The following CCBE1 variants were observed in gnomAD, a reference collection of about 807,000 sequenced individuals.
CCBE1 encodes the protein collagen and calcium-binding EGF domain-containing protein 1.
A neutral mutation model predicts 50.0 loss-of-function variants in CCBE1; 37 were observed. That is an observed-to-expected ratio of 0.74 (90% CI 0.57 to 0.97). The LOEUF (loss-of-function observed/expected upper bound fraction) is 0.97. Among genes scored for constraint, CCBE1 ranks in the 50% least tolerant of loss-of-function variants. The probability of loss-of-function intolerance (pLI) is 0.00; values close to 1 mark genes in which losing one functional copy is unlikely to be tolerated. For missense variants in CCBE1, 538 were observed against 523.8 expected (o/e 1.03, Z -0.26); for synonymous variants, 234 against 203.7 (o/e 1.15, Z -1.27).
At chr18:59,437,264 G>T (rs946529316) in intron 10 of CCBE1, among the ~76,000 whole-genome samples, 1 of 152,186 alleles carries the variant, frequency 6.6e-6, no homozygotes, top group Non-Finnish European at 1.5e-5. Flanking sequence ...TAGTAAAATC[G>T]TTATCATCTC....
At chr18:59,451,558 TCAC>T (rs1267003322) in intron 6 of CCBE1, among the ~76,000 whole-genome samples, 2 of 151,706 alleles carry the variant, frequency 1.3e-5, no homozygotes, top group African/African-American at 4.8e-5. Context: ...TCTCCCTTTC[TCAC>T]CACATCACTT....
intron 2 of CCBE1, among the ~76,000 whole-genome samples, chr18:59,566,897 T>C (rs993769): frequency 6.6e-6 from 1 of 151,518 alleles, no homozygotes; most frequent in Non-Finnish European, 1.5e-5. Flanking sequence ...GAGAGAACGA[T>C]GATGAAAGTC....
In CCBE1 at chr18:59,667,025, G is replaced by A. The variant is rs532405075; in HGVS notation, c.212+29604C>T. Among the ~76,000 whole-genome samples the A allele has an allele frequency of 3.0e-4, 45 of 152,244 alleles. 2 individuals are homozygous for A. The highest frequency in any genetic ancestry group is 1.5e-3 in the East Asian group (8 of 5,180). On this transcript the variant is annotated intron_variant, in intron 2 of 10. Coordinates refer to ENST00000439986, the MANE Select transcript of CCBE1 (RefSeq NM_133459.4). ...TCAGTGGTTGATGCCCATAATCCCA[G>A]TGCTTTGGGAGCCCAAGGTGGGAGG...
rs1467430663 is a variant in CCBE1, at chr18:59,435,000, T to C, written c.*908A>G. ...TGGGCACCTGCTCAGAACCAGGAAT[T>C]CTGCACCTCTCTCTAAGCTCAGCCA... is the stretch of plus-strand genomic sequence containing the variant. On this transcript the variant is annotated 3_prime_UTR_variant, in exon 11 of 11. Transcript: ENST00000439986. The C allele has an allele frequency of 6.6e-6, 1 of 152,252 alleles. No homozygotes were observed. The highest frequency in any genetic ancestry group is 2.4e-5 in the African/African-American group (1 of 41,444). 9.4% of individuals were successfully genotyped at this position (152,252 alleles called of 1,614,324 possible).
At chr18:59,631,209 C>A (rs1280983819) in intron 2 of CCBE1, among the ~76,000 whole-genome samples, 2 of 150,018 alleles carry the variant, frequency 1.3e-5, no homozygotes, top group African/African-American at 2.5e-5. Context: ...TTTCTATGAT[C>A]TGGAGAAAAA....
chr18:59,640,510 C>G (rs564138132), intron 2 of CCBE1, among the ~76,000 whole-genome samples: 1 of 152,072 alleles, frequency 6.6e-6, no homozygotes, highest in Non-Finnish European at 1.5e-5. Flanking sequence ...AAACATAATG[C>G]CCAAGACTAT....
intron 2 of CCBE1, among the ~76,000 whole-genome samples, chr18:59,550,675 C>T (rs1915877857): frequency 1.3e-5 from 2 of 152,158 alleles, no homozygotes. Context: ...CCCCAAACAG[C>T]AGGTGCCATT....
At chr18:59,687,520 T>C (rs1402315359) in intron 2 of CCBE1, among the ~76,000 whole-genome samples, 1 of 152,200 alleles carries the variant, frequency 6.6e-6, no homozygotes, top group Admixed American at 6.5e-5. Context: ...TTATCAGACT[T>C]TGTTTCTCTC....
intron 2 of CCBE1, among the ~76,000 whole-genome samples, chr18:59,609,422 C>T (rs953409935): frequency 2.1e-4 from 32 of 152,330 alleles, no homozygotes; most frequent in African/African-American, 7.5e-4. Flanking sequence ...ATTAGAACAG[C>T]TCCTTCCTAG....
At chr18:59,536,991 A>AAAC (rs1915277780) in intron 2 of CCBE1, among the ~76,000 whole-genome samples, 1 of 65,394 alleles carries the variant, frequency 1.5e-5, no homozygotes, top group African/African-American at 9.6e-5. Flanking sequence ...ACTCTGTCTC[A>AAAC]AAAAAAAAAA....
intron 2 of CCBE1, among the ~76,000 whole-genome samples, chr18:59,633,744 T>A (rs1018762815): frequency 2.3e-4 from 35 of 151,584 alleles, no homozygotes; most frequent in East Asian, 3.9e-4. Flanking sequence ...TTTTTTTTTT[T>A]AAAATAAAAC....
At chr18:59,610,409 C>T (rs1484996992) in intron 2 of CCBE1, among the ~76,000 whole-genome samples, 3 of 151,836 alleles carry the variant, frequency 2.0e-5, no homozygotes, top group Non-Finnish European at 4.4e-5. Flanking sequence ...CCCCTTACCC[C>T]TCCTGCCCCC....
intron 2 of CCBE1, among the ~76,000 whole-genome samples, chr18:59,682,000 T>A (rs113562506): frequency 0.028 from 4,193 of 152,208 alleles, 155 homozygotes; most frequent in African/African-American, 0.093. Flanking sequence ...TCCTCTGAGG[T>A]TCGGCGAGAG....
At chr18:59,567,913 C>A (rs1210718323) in intron 2 of CCBE1, among the ~76,000 whole-genome samples, 2 of 152,180 alleles carry the variant, frequency 1.3e-5, no homozygotes. Flanking sequence ...TTTCCTAATG[C>A]TATTTTTAAA....
At chr18:59,447,688 G>A (rs926783561) in intron 7 of CCBE1, among the ~76,000 whole-genome samples, 2 of 152,124 alleles carry the variant, frequency 1.3e-5, no homozygotes, top group South Asian at 4.1e-4. Flanking sequence ...CCAGAAAAAG[G>A]TTTAAGATAG....
chr18:59,480,268 A>G (rs747973825), intron 2 of CCBE1, 30 bp from the exon 3 acceptor site: 2 of 1,440,038 alleles, frequency 1.4e-6, no homozygotes, highest in South Asian at 2.3e-5. Flanking sequence ...TTAAAATATA[A>G]TAATTAGGCT....
At chr18:59,693,209 T>C (rs1315000312) in intron 2 of CCBE1, among the ~76,000 whole-genome samples, 1 of 152,184 alleles carries the variant, frequency 6.6e-6, no homozygotes, top group Non-Finnish European at 1.5e-5. Context: ...GCCACCCTAC[T>C]TCTAAGAAGA....
intron 2 of CCBE1, among the ~76,000 whole-genome samples, chr18:59,683,284 T>G (rs1481232485): frequency 6.6e-6 from 1 of 152,210 alleles, no homozygotes; most frequent in Non-Finnish European, 1.5e-5. Context: ...GGAGCATGTG[T>G]CAAACGTGTT....
intron 2 of CCBE1, among the ~76,000 whole-genome samples, chr18:59,649,606 A>G (rs1161684050): frequency 6.6e-6 from 1 of 152,234 alleles, no homozygotes; most frequent in East Asian, 1.9e-4. Flanking sequence ...ACACTTTAGC[A>G]AGGGACAGAA....
Sources: gnomAD v4.1 joint callset for allele counts (sites outside exome capture counted in the v4.1 genomes callset) on GRCh38, gnomAD v4.1.1 for gene constraint, MANE v1.5 for transcripts, NCBI Gene and HGNC (gene_info 2026-07-23, HGNC 2026-07-21) for gene names.